The following ESR2 variants were observed in gnomAD, a reference collection of about 807,000 sequenced individuals.
The protein encoded by ESR2 is estrogen receptor beta.
A neutral mutation model predicts 49.6 loss-of-function variants in ESR2; 36 were observed. The ratio of observed to expected loss-of-function variants is 0.73; its 90% CI spans 0.56 to 0.96. ESR2 has a LOEUF of 0.96. Ranked by LOEUF, ESR2 falls within the 40% of genes least tolerant of loss-of-function variation. The pLI is 0.00. For synonymous variants in ESR2, 320 were observed against 266.1 expected, an observed-to-expected ratio of 1.20 and a Z score of -1.97; for missense variants, 714 against 693.0, an observed-to-expected ratio of 1.03 and a Z score of -0.34.
intron 1 of ESR2, among the ~76,000 whole-genome samples, chr14:64,327,600 G>A (rs968324033): frequency 6.6e-6 from 1 of 152,198 alleles, no homozygotes; most frequent in African/African-American, 2.4e-5. Flanking sequence ...GGAGACTGAG[G>A]CAGGAGAATT....
Position 64,282,819 on chromosome 14 carries a change from T to C in ESR2, c.167A>G (p.Tyr56Cys). Reference protein sequence around the residue: ...MTFYSPAVMNYSIPSNVTNLE... With the variant: ...MTFYSPAVMNCSIPSNVTNLE... ...GTTAGTGACATTGCTGGGAATGCTG[T>C]AATTCATCACAGCAGGGCTATAGAA... Residue 56 changes from tyrosine (Y) to cysteine (C), a missense_variant, in exon 2 of 9, where the codon TAC becomes TGC. Coordinates refer to ENST00000341099, the MANE Select transcript of ESR2 (RefSeq NM_001437.3). The C allele has an allele frequency of 1.9e-6, 3 of 1,614,216 alleles. No individual in the cohort carries two copies. The highest frequency in any genetic ancestry group is 2.5e-6 in the Non-Finnish European group (3 of 1,179,998).
downstream of ESR2, chr14:64,227,637 G>A (rs1373230784): frequency 6.2e-7 from 1 of 1,613,534 alleles, no homozygotes; most frequent in Non-Finnish European, 8.5e-7. Flanking sequence ...TGCGGGACAA[G>A]TCAAAGTTGC....
intron 1 of ESR2, among the ~76,000 whole-genome samples, chr14:64,289,552 A>G (rs916129988): frequency 6.6e-6 from 1 of 152,142 alleles, no homozygotes; most frequent in Non-Finnish European, 1.5e-5. Context: ...AAAAAAAGAA[A>G]GCATTCTGTA....
At position 64,230,118 on chromosome 14, in the gene ESR2, G is replaced by A. The variant is rs1484780528; in HGVS notation, c.*3019C>T. On this transcript the variant is annotated 3_prime_UTR_variant, in exon 9 of 9. Coordinates refer to ENST00000341099, the MANE Select transcript of ESR2 (RefSeq NM_001437.3). ...GCACTGTGGTGGGAGGATCGCTTGAGCCCAGGAGGTCGAGGCTGCAGTGAG... is the reference window on the plus strand; with the variant it reads ...GCACTGTGGTGGGAGGATCGCTTGAACCCAGGAGGTCGAGGCTGCAGTGAG... Among the ~76,000 whole-genome samples, 1 of 151,294 alleles carries A rather than the reference G, an allele frequency of 6.6e-6. No homozygotes were observed. Among genetic ancestry groups the A allele is most frequent in the African/African-American group, 2.4e-5 (1 of 41,060 alleles).
chr14:64,338,142 A>G (rs2077554729), upstream of ESR2: 1 of 154,882 alleles, frequency 6.5e-6, no homozygotes. Flanking sequence ...GGATTCTCCA[A>G]CCCCAGACCT....
intron 1 of ESR2, 25 bp from the exon 2 acceptor site, chr14:64,283,100 G>A (rs2076715059): frequency 9.5e-7 from 1 of 1,048,090 alleles, no homozygotes; most frequent in Non-Finnish European, 1.4e-6. Context: ...AGAAGATATT[G>A]CCAAGTTAGA....
rs554529620 is a variant in ESR2, at chr14:64,327,318, T to C, written c.-91+10580A>G. Among the ~76,000 whole-genome samples the C allele has an allele frequency of 6.7e-4, 102 of 152,248 alleles. 1 individual carries two copies. In the Middle Eastern group the frequency reaches 0.014, roughly 20 times the overall value. On this transcript the variant is annotated intron_variant, in intron 1 of 8. Coordinates refer to the ESR2 transcript ENST00000358599. The stretch of plus-strand genomic sequence containing the variant: ...GCAAACGCCTGTAATCCCAGCACTT[T>C]GGGAGGCTGAGGCAGGTGAATCACC...
chr14:64,336,312 G>C (rs2077531519), intron 1 of ESR2: 1 of 152,040 alleles, frequency 6.6e-6, no homozygotes, highest in Non-Finnish European at 1.5e-5. Context: ...CTTCAAAATG[G>C]TTGTAAAAAT....
chr14:64,278,241 T>G (rs1363004032), intron 3 of ESR2, among the ~76,000 whole-genome samples: 1 of 152,196 alleles, frequency 6.6e-6, no homozygotes, highest in Non-Finnish European at 1.5e-5. Flanking sequence ...TATTTCATCT[T>G]TAGAAAATCC....
At chr14:64,255,171 T>A (rs1449266379) in intron 6 of ESR2, among the ~76,000 whole-genome samples, 1 of 152,008 alleles carries the variant, frequency 6.6e-6, no homozygotes, top group Non-Finnish European at 1.5e-5. Context: ...ACACTAAATT[T>A]GGCATCAATT....
chr14:64,247,400 G>C (rs1451414515), intron 7 of ESR2, among the ~76,000 whole-genome samples: 1 of 152,120 alleles, frequency 6.6e-6, no homozygotes, highest in Non-Finnish European at 1.5e-5. Context: ...CACGTATGAA[G>C]GTCAGCTGGC....
rs888946118 is a variant in ESR2 at position 64,229,449 on chromosome 14, C to T, written c.*3688G>A. On this transcript the variant is annotated 3_prime_UTR_variant, in exon 9 of 9. Coordinates refer to ENST00000341099, the MANE Select transcript of ESR2 (RefSeq NM_001437.3). The stretch of plus-strand genomic sequence containing the variant: ...CACAGATATGAAAGGTGGAGTTGAA[C>T]TTTGATGTGAGAGGTTTACAAACTT... Among the ~76,000 whole-genome samples, 6 of 152,106 alleles carry T rather than the reference C, an allele frequency of 3.9e-5. No homozygotes were observed. The highest frequency in any genetic ancestry group is 2.1e-4 in the South Asian group (1 of 4,830).
Position 64,228,403 on chromosome 14 carries a change from A to C in ESR2, c.*4734T>G, listed in dbSNP as rs1229052256. Among the ~76,000 whole-genome samples the C allele has an allele frequency of 1.3e-5, 2 of 152,248 alleles. No individual in the cohort carries two copies. The highest frequency in any genetic ancestry group is 2.4e-5 in the African/African-American group (1 of 41,458). ...CCATAGACATTAAAGGGACACAGTA[A>C]GGAAAACACTCCCTGGAGGAAGGGA... On this transcript the variant is annotated 3_prime_UTR_variant, in exon 9 of 9. Coordinates refer to ENST00000341099, the MANE Select transcript of ESR2 (RefSeq NM_001437.3).
At chr14:64,266,974 AG>A (rs895275445) in intron 4 of ESR2, among the ~76,000 whole-genome samples, 2 of 152,266 alleles carry the variant, frequency 1.3e-5, no homozygotes, top group African/African-American at 4.8e-5. Flanking sequence ...TCCACCTCCC[AG>A]GTTCAAACTA....
chr14:64,308,965 AAAAG>A (rs886511441), intron 1 of ESR2, among the ~76,000 whole-genome samples: 2 of 152,100 alleles, frequency 1.3e-5, no homozygotes, highest in Non-Finnish European at 2.9e-5. Context: ...TTCTTTGTTA[AAAAG>A]AAAGAAAATA....
intron 1 of ESR2, among the ~76,000 whole-genome samples, chr14:64,331,330 T>C (rs545322243): frequency 1.3e-5 from 2 of 152,356 alleles, no homozygotes; most frequent in African/African-American, 2.4e-5. Flanking sequence ...TCAATTTGTA[T>C]GCAAATAGCT....
chr14:64,331,354 A>G (rs902169825), intron 1 of ESR2, among the ~76,000 whole-genome samples: 12 of 152,266 alleles, frequency 7.9e-5, no homozygotes, highest in Non-Finnish European at 2.9e-5. Flanking sequence ...AAGTTAAAAA[A>G]TAAATGTTGA....
chr14:64,227,841 A>G (rs2098723105), downstream of ESR2: 19 of 1,588,560 alleles, frequency 1.2e-5, no homozygotes, highest in Non-Finnish European at 1.5e-5. Flanking sequence ...ATCGTCTGCA[A>G]ATCTTTCATT....
downstream of ESR2, chr14:64,227,736 G>C: frequency 6.4e-7 from 1 of 1,560,028 alleles, no homozygotes; most frequent in African/African-American, 1.4e-5. Context: ...CTTTAAGCTG[G>C]TTTGCTCCCC....
Sources: gnomAD v4.1 joint callset for allele counts (sites outside exome capture counted in the v4.1 genomes callset) on GRCh38, gnomAD v4.1.1 for gene constraint, MANE v1.5 for transcripts, NCBI Gene and HGNC (gene_info 2026-07-23, HGNC 2026-07-21) for gene names.